GAREM2: variants seen among roughly 807,000 people sequenced by gnomAD.
GAREM2 encodes GRB2-associated and regulator of MAPK protein 2.
A neutral mutation model predicts 55.6 loss-of-function variants in GAREM2; 30 were observed. That is an observed-to-expected ratio of 0.54 (90% CI 0.40 to 0.73). The LOEUF (loss-of-function observed/expected upper bound fraction) is 0.73, where lower values mean the gene tolerates loss of function less well. Among genes scored for constraint, GAREM2 ranks in the 30% least tolerant of loss-of-function variants. The pLI is 0.00. For missense variants in GAREM2, 1,075 were observed against 1,257.7 expected (o/e 0.85, Z 2.20); for synonymous variants, 550 against 569.1 (o/e 0.97, Z 0.48).
chr2:26,192,789 G>A (rs915691217), downstream of GAREM2, among the ~76,000 whole-genome samples: 1 of 152,156 alleles, frequency 6.6e-6, no homozygotes, highest in African/African-American at 2.4e-5. Flanking sequence ...TCTTGTCTCT[G>A]TTGGTCTATT....
At position 26,173,289 on chromosome 2, in the gene GAREM2, C is replaced by T. The variant is rs1202467038; in HGVS notation, c.69C>T (p.Ile23=). 17 of 1,436,816 alleles carry T rather than the reference C, an allele frequency of 1.2e-5. No individual in the cohort carries two copies. In the African/African-American group the frequency reaches 2.1e-4, roughly 18 times the overall value. 89.0% of individuals were successfully genotyped at this position (1,436,816 alleles called of 1,614,324 possible). Residue 23 remains isoleucine, a synonymous_variant, in exon 1 of 6, where the codon ATC becomes ATT. Coordinates refer to ENST00000401533, the MANE Select transcript of GAREM2 (RefSeq NM_001168241.2). ...TGGGCGCCTTCCCGCTCGACCTCAT[C>T]GTCAGCCGCTGCCGCCTGCCCACGC... ...WSMGAFPLDL[I]VSRCRLPTLA...
the GAREM2 span, chr2:26,201,029 G>T: frequency 1.2e-6 from 1 of 801,604 alleles, no homozygotes; most frequent in Non-Finnish European, 2.1e-6. Flanking sequence ...ACCATGCCCA[G>T]CCTTTGAATA....
downstream of GAREM2, chr2:26,191,739 G>C (rs572555864): frequency 1.9e-6 from 2 of 1,062,078 alleles, no homozygotes; most frequent in African/African-American, 3.1e-5. Context: ...TCTGTGGGCC[G>C]GTTGGTGCTG....
chr2:26,187,925 C>G lies in GAREM2; in HGVS notation c.2293C>G (p.Pro765Ala). 6.9e-7 allele frequency: 1 copy of G among 1,451,074 alleles called. No individual in the cohort carries two copies. The highest frequency in any genetic ancestry group is 1.5e-5 in the South Asian group (1 of 67,294). 89.9% of individuals were successfully genotyped at this position (1,451,074 alleles called of 1,614,324 possible). A position where few individuals can be genotyped will look rare whatever the true frequency, so the allele number is the denominator to read the frequency against. Residue 765 changes from proline to alanine, a missense_variant, in exon 6 of 6, where the codon CCC becomes GCC. Physicochemically the swap from Pro to Ala is conservative, Grantham distance 27. Coordinates refer to ENST00000401533, the MANE Select transcript of GAREM2 (RefSeq NM_001168241.2). Reference protein sequence around the residue: ...TPLSPAALQGPEAGGALFLTQ... With the variant: ...TPLSPAALQGAEAGGALFLTQ... ...ACTGTCACCAGCTGCTCTGCAGGGA[C>G]CCGAGGCGGGAGGAGCACTTTTTCT...
downstream of GAREM2, among the ~76,000 whole-genome samples, chr2:26,192,972 A>G (rs1474164946): frequency 1.3e-5 from 2 of 152,132 alleles, no homozygotes; most frequent in Admixed American, 6.5e-5. Flanking sequence ...ACATCCCCAT[A>G]TGCAGCACCG....
At position 26,186,148 on chromosome 2, in the gene GAREM2, C is replaced by G. The variant is rs1015078574; in HGVS notation, c.1429-41C>G. ...GGAAGGGGAAGATAAGGAGTGCCAG[C>G]TGTTTGGAGTCGAGGTGGAGTCACC... On this transcript the variant is annotated intron_variant, in intron 4 of 5. Transcript: ENST00000401533. 5 of 1,457,526 alleles carry G rather than the reference C, an allele frequency of 3.4e-6. No individual in the cohort carries two copies. In the African/African-American group the frequency reaches 4.3e-5, roughly 13 times the overall value. 90.3% of individuals were successfully genotyped at this position (1,457,526 alleles called of 1,614,324 possible). A position where few individuals can be genotyped will look rare whatever the true frequency, so the allele number is the denominator to read the frequency against.
chr2:26,193,675 G>A, downstream of GAREM2: 5 of 1,613,920 alleles, frequency 3.1e-6, no homozygotes, highest in South Asian at 4.4e-5. Context: ...CACATGTTTC[G>A]CTACATCCAC....
At position 26,183,199 on chromosome 2, in the gene GAREM2, G is replaced by C. The variant is rs751591710; in HGVS notation, c.384+102G>C. Reference sequence around the variant, plus strand: ...GGTTGCCCTCAGGATCCAAGAAGGAGAGCGGCTCCTGGGGACCCCTTAGGG... The same window carrying C: ...GGTTGCCCTCAGGATCCAAGAAGGACAGCGGCTCCTGGGGACCCCTTAGGG... On this transcript the variant is annotated intron_variant, in intron 3 of 5. Transcript: ENST00000401533. 335 of 1,358,178 alleles carry C rather than the reference G, an allele frequency of 2.5e-4. 1 individual carries two copies. Among genetic ancestry groups the C allele is most frequent in the Middle Eastern group, 9.6e-4 (4 of 4,162 alleles). 84.1% of individuals were successfully genotyped at this position (1,358,178 alleles called of 1,614,324 possible).
intron 3 of GAREM2, among the ~76,000 whole-genome samples, chr2:26,183,824 C>T (rs1459742890): frequency 6.6e-6 from 1 of 152,256 alleles, no homozygotes; most frequent in Non-Finnish European, 1.5e-5. Context: ...CAATTCATTT[C>T]TCTTCACTTA....
chr2:26,193,267 T>C (rs1669563465), downstream of GAREM2, among the ~76,000 whole-genome samples: 1 of 147,762 alleles, frequency 6.8e-6, no homozygotes, highest in Non-Finnish European at 1.5e-5. Context: ...TCTATAGTCC[T>C]AGCCCTTAGA....
the GAREM2 span, chr2:26,199,326 C>G: frequency 2.0e-5 from 3 of 152,712 alleles, no homozygotes; most frequent in East Asian, 3.8e-4. Context: ...TGTGATCATG[C>G]CACTGCACTC....
downstream of GAREM2, chr2:26,190,502 T>C (rs1249826351): frequency 1.3e-5 from 2 of 152,854 alleles, no homozygotes; most frequent in Non-Finnish European, 2.9e-5. Flanking sequence ...AGCCCTGCTA[T>C]GCAGGATCTC....
chr2:26,196,411 A>G, the GAREM2 span, among the ~76,000 whole-genome samples: 1 of 152,244 alleles, frequency 6.6e-6, no homozygotes, highest in South Asian at 2.1e-4. Context: ...TAGAATTTCT[A>G]TATAATAAAA....
downstream of GAREM2, chr2:26,193,466 C>CT (rs1426340419): frequency 1.1e-6 from 1 of 916,546 alleles, no homozygotes; most frequent in African/African-American, 1.6e-5. Context: ...GATAAGGGCT[C>CT]TGTGTTTAGA....
chr2:26,193,953 G>T (rs1669587382), downstream of GAREM2, among the ~76,000 whole-genome samples: 1 of 152,210 alleles, frequency 6.6e-6, no homozygotes, highest in African/African-American at 2.4e-5. Context: ...GCCACAAGTG[G>T]AAAGTCTGAG....
Position 26,173,126 on chromosome 2 carries a change from C to CCT in GAREM2, c.-95_-94insCT. 1 of 220,010 alleles carries CCT rather than the reference C, an allele frequency of 4.5e-6. No individual in the cohort carries two copies. Among genetic ancestry groups the CCT allele is most frequent in the Non-Finnish European group, 7.5e-6 (1 of 133,500 alleles). The allele number at this position is 220,010 out of a possible 1,614,324, so 13.6% of individuals were successfully genotyped here. On this transcript the variant is annotated 5_prime_UTR_variant, in exon 1 of 6. Transcript: ENST00000401533. The stretch of plus-strand genomic sequence containing the variant: ...CGGGGCTGCCAGGCGGCGAGCGCCG[C>CCT]GGCGGCCCCGGGAGGTGGCGGCGGG...
chr2:26,199,443 A>G, the GAREM2 span: 1 of 152,272 alleles, frequency 6.6e-6, no homozygotes, highest in Admixed American at 6.5e-5. Context: ...ACGTAGTGTC[A>G]GGTTACTTTC....
chr2:26,183,216 C>T, intron 3 of GAREM2, 119 bp downstream of exon 3: 1 of 1,084,926 alleles, frequency 9.2e-7, no homozygotes, highest in Non-Finnish European at 1.3e-6. Flanking sequence ...TCCTGGGGAC[C>T]CCTTAGGGGT....
chr2:26,187,719 C>T lies in GAREM2; in HGVS notation c.2087C>T (p.Pro696Leu). 2.0e-6 allele frequency: 3 copies of T among 1,480,764 alleles called. No individual in the cohort carries two copies. Among genetic ancestry groups the T allele is most frequent in the Non-Finnish European group, 2.7e-6 (3 of 1,111,772 alleles). The allele number at this position is 1,480,764 out of a possible 1,614,324, so 91.7% of individuals were successfully genotyped here. The change falls in exon 6 of 6, where the codon CCA becomes CTA. Residue 696 changes from proline to leucine, a missense_variant. Pro to Leu is a moderately conservative substitution (Grantham distance 98). This residue lies in a region of GAREM2 where 515 missense variants were observed against 501.5 expected (regional missense o/e 1.03). Coordinates refer to ENST00000401533, the MANE Select transcript of GAREM2 (RefSeq NM_001168241.2). ...SSSSSSEWQEPVLEPFDPFEL... is the reference protein window; with the variant it reads ...SSSSSSEWQELVLEPFDPFEL... ...TCCTCTTCTTCTGAATGGCAGGAAC[C>T]AGTCCTGGAGCCCTTCGATCCCTTT...
Sources: allele counts gnomAD v4.1 joint callset (sites outside exome capture counted in the v4.1 genomes callset), GRCh38; gene constraint gnomAD v4.1.1; regional missense constraint gnomAD v4.1.1; transcripts MANE v1.5; gene names NCBI Gene and HGNC (gene_info 2026-07-23, HGNC 2026-07-21).